The following CDH12 variants were observed in gnomAD, a reference collection of about 807,000 sequenced individuals.
CDH12 encodes the protein cadherin 12, also known as cadherin-12.
Under a neutral mutation model 74.1 loss-of-function variants are expected in CDH12, and 41 were observed. The observed-to-expected ratio is 0.55, with a 90% CI of 0.43 to 0.72. CDH12 has a LOEUF of 0.72. CDH12 is among the 30% of genes least tolerant of loss of function. The pLI, the probability that CDH12 is intolerant of heterozygous loss-of-function variation, is 0.00. For synonymous variants in CDH12, 399 were observed against 355.0 expected (o/e 1.12, Z -1.39); for missense variants, 945 against 977.2 (o/e 0.97, Z 0.44).
At chr5:21,871,902 G>T (rs945130923) in intron 6 of CDH12, among the ~76,000 whole-genome samples, 3 of 152,046 alleles carry the variant, frequency 2.0e-5, no homozygotes, top group Non-Finnish European at 2.9e-5. Context: ...TATTAGAAAA[G>T]GGAGGTTTTG....
At chr5:22,696,235 G>T (rs1055056015) in intron 1 of CDH12, among the ~76,000 whole-genome samples, 1 of 151,946 alleles carries the variant, frequency 6.6e-6, no homozygotes, top group Admixed American at 6.6e-5. Context: ...GCCGGGCGTG[G>T]TGGCGGGCAC....
intron 5 of CDH12, among the ~76,000 whole-genome samples, chr5:22,062,329 A>G (rs952018717): frequency 2.6e-5 from 4 of 152,124 alleles, no homozygotes; most frequent in Non-Finnish European, 5.9e-5. Flanking sequence ...ACATTAGTAT[A>G]TTGTGTCATT....
intron 6 of CDH12, among the ~76,000 whole-genome samples, chr5:21,901,132 C>T (rs964256669): frequency 1.4e-4 from 21 of 152,230 alleles, no homozygotes; most frequent in African/African-American, 4.8e-4. Flanking sequence ...TTTTATAGTA[C>T]ACATTGCACA....
rs867099465 is a variant in CDH12, at chr5:21,833,328, A to G, written c.814+8833T>C. Among the ~76,000 whole-genome samples the G allele has an allele frequency of 8.3e-4, 53 of 63,584 alleles. 10 individuals carry two copies. Among genetic ancestry groups the G allele is most frequent in the African/African-American group, 3.5e-3 (27 of 7,714 alleles). 41.7% of individuals were successfully genotyped at this position (63,584 alleles called of 152,430 possible). A position where few individuals can be genotyped will look rare whatever the true frequency, so the allele number is the denominator to read the frequency against. ...ATATGTTATATGTTATATAATATAT[A>G]TTATATATTATATAACATATAATAT... On this transcript the variant is annotated intron_variant, in intron 8 of 14. Coordinates refer to ENST00000382254, the MANE Select transcript of CDH12 (RefSeq NM_004061.5).
At chr5:22,717,727 A>C (rs1041878993) in intron 1 of CDH12, among the ~76,000 whole-genome samples, 1 of 152,108 alleles carries the variant, frequency 6.6e-6, no homozygotes, top group Non-Finnish European at 1.5e-5. Context: ...AGGATGGGAG[A>C]GGTAAACTTC....
intron 3 of CDH12, among the ~76,000 whole-genome samples, chr5:22,404,743 C>T (rs1315047671): frequency 2.0e-5 from 3 of 152,074 alleles, no homozygotes; most frequent in African/African-American, 7.2e-5. Context: ...CAATTAGAGG[C>T]CTGCATTTAA....
At chr5:21,867,468 G>A (rs961668641) in intron 6 of CDH12, among the ~76,000 whole-genome samples, 4 of 152,172 alleles carry the variant, frequency 2.6e-5, no homozygotes, top group African/African-American at 9.7e-5. Flanking sequence ...ACACCAGGGC[G>A]GGGCTGCCCA....
intron 1 of CDH12, among the ~76,000 whole-genome samples, chr5:22,740,429 A>C (rs1319261559): frequency 6.6e-6 from 1 of 152,006 alleles, no homozygotes; most frequent in Non-Finnish European, 1.5e-5. Flanking sequence ...TAGGTAAAAA[A>C]AAAAAAGTTC....
intron 3 of CDH12, among the ~76,000 whole-genome samples, chr5:22,350,599 T>G (rs1465520045): frequency 6.6e-6 from 1 of 152,182 alleles, no homozygotes; most frequent in Non-Finnish European, 1.5e-5. Context: ...CAGGACCTTA[T>G]TTACTAAAGA....
At chr5:22,747,395 G>T (rs993178819) in intron 1 of CDH12, among the ~76,000 whole-genome samples, 1 of 151,316 alleles carries the variant, frequency 6.6e-6, no homozygotes, top group Admixed American at 6.6e-5. Flanking sequence ...AGGCCAACAT[G>T]GGCAGATTGC....
At chr5:22,393,513 C>T (rs1193624277) in intron 3 of CDH12, among the ~76,000 whole-genome samples, 1 of 152,040 alleles carries the variant, frequency 6.6e-6, no homozygotes, top group Non-Finnish European at 1.5e-5. Flanking sequence ...GGTTCTGCTA[C>T]AACAAATACC....
At chr5:21,921,583 C>T (rs372750398) in intron 6 of CDH12, among the ~76,000 whole-genome samples, 4 of 152,146 alleles carry the variant, frequency 2.6e-5, no homozygotes, top group African/African-American at 9.7e-5. Flanking sequence ...ATGAAAGCAA[C>T]TTCTGTGAGT....
intron 1 of CDH12, among the ~76,000 whole-genome samples, chr5:22,684,526 G>A (rs560664163): frequency 3.9e-5 from 6 of 152,272 alleles, no homozygotes; most frequent in African/African-American, 7.2e-5. Context: ...TGAGAACTGC[G>A]TATGCCATTA....
chr5:22,087,990 C>G (rs1743179918), intron 4 of CDH12, among the ~76,000 whole-genome samples: 1 of 152,094 alleles, frequency 6.6e-6, no homozygotes, highest in South Asian at 2.1e-4. Flanking sequence ...CACTTAGACT[C>G]TATCATACCC....
At chr5:21,773,618 T>C (rs1247146568) in intron 11 of CDH12, among the ~76,000 whole-genome samples, 7 of 152,180 alleles carry the variant, frequency 4.6e-5, no homozygotes. Flanking sequence ...AGACTTGCAC[T>C]GGCTTCCTGG....
chr5:22,736,376 C>CT, intron 1 of CDH12, among the ~76,000 whole-genome samples: 1 of 151,390 alleles, frequency 6.6e-6, no homozygotes, highest in South Asian at 2.1e-4. Context: ...CTGCAAAATC[C>CT]TTTTTGTGTT....
intron 4 of CDH12, among the ~76,000 whole-genome samples, chr5:22,160,665 G>A (rs1228778700): frequency 6.6e-6 from 1 of 152,184 alleles, no homozygotes; most frequent in East Asian, 1.9e-4. Context: ...AGTGTCTGGT[G>A]AGGGCCCCTT....
At chr5:22,536,947 G>A (rs1737877168) in intron 1 of CDH12, among the ~76,000 whole-genome samples, 1 of 152,074 alleles carries the variant, frequency 6.6e-6, no homozygotes, top group Non-Finnish European at 1.5e-5. Flanking sequence ...ATTTTAAAAA[G>A]AGTATTCAAC....
intron 1 of CDH12, among the ~76,000 whole-genome samples, chr5:22,513,355 G>A (rs1434942876): frequency 3.3e-5 from 5 of 151,378 alleles, no homozygotes; most frequent in African/African-American, 1.2e-4. Context: ...GCCAGGTGTG[G>A]AAAGTTGACA....
Sources: gnomAD v4.1 joint callset for allele counts (sites outside exome capture counted in the v4.1 genomes callset) on GRCh38, gnomAD v4.1.1 for gene constraint, MANE v1.5 for transcripts, NCBI Gene and HGNC (gene_info 2026-07-23, HGNC 2026-07-21) for gene names.